The following RHD variants were observed in gnomAD, a reference collection of about 807,000 sequenced individuals.
RHD encodes the protein Rh blood group D antigen, also known as blood group Rh(D) polypeptide.
A neutral mutation model predicts 45.5 loss-of-function variants in RHD; 16 were observed. The observed-to-expected ratio is 0.35, with a 90% confidence interval of 0.24 to 0.53. The LOEUF (loss-of-function observed/expected upper bound fraction) is 0.53, where lower values mean the gene tolerates loss of function less well. RHD is among the 20% of genes least tolerant of loss of function. The probability of loss-of-function intolerance (pLI) is 0.92; values close to 1 mark genes in which losing one functional copy is unlikely to be tolerated. For missense variants in RHD, 306 were observed against 532.0 expected (o/e 0.58, Z 4.18); for synonymous variants, 131 against 217.5 (o/e 0.60, Z 3.50).
chr1:25,290,559 G>A lies in RHD; in HGVS notation c.336-82G>A, dbSNP rs1571625862. On this transcript the variant is annotated intron_variant, in intron 2 of 9. Coordinates refer to ENST00000328664, the MANE Select transcript of RHD (RefSeq NM_016124.6). The stretch of plus-strand genomic sequence containing the variant: ...GCCCAACAGTGTTTGTTGAAAGAAT[G>A]AATGAATGAATGAATGAATGAATGA... 2 of 1,060,446 alleles carry A rather than the reference G, an allele frequency of 1.9e-6. 1 individual carries two copies. The highest frequency in any genetic ancestry group is 4.6e-5 in the East Asian group (2 of 43,462). 65.7% of individuals were successfully genotyped at this position (1,060,446 alleles called of 1,614,324 possible). A position where few individuals can be genotyped will look rare whatever the true frequency, so the allele number is the denominator to read the frequency against.
At position 25,281,735 on chromosome 1, in the gene RHD, G is replaced by A. The variant is rs1003725543; in HGVS notation, c.149-2838G>A. ...CTTGTTGTCAGAAGAAGTGCAAAGA[G>A]TTGAATCCTTCCTAATGCCCACTTC... On this transcript the variant is annotated intron_variant, in intron 1 of 9. Transcript: ENST00000328664. 3.5e-4 allele frequency among the ~76,000 whole-genome samples: 46 copies of A among 131,106 alleles called. 7 individuals are homozygous for A. The highest frequency in any genetic ancestry group is 1.1e-3 in the African/African-American group (44 of 38,342). 86.0% of individuals were successfully genotyped at this position (131,106 alleles called of 152,430 possible). A position where few individuals can be genotyped will look rare whatever the true frequency, so the allele number is the denominator to read the frequency against.
rs602917 is a variant in RHD, at chr1:25,274,002, C to T, written c.148+1307C>T. Among the ~76,000 whole-genome samples the T allele has an allele frequency of 2.3e-5, 3 of 132,436 alleles. 1 individual carries two copies. The highest frequency in any genetic ancestry group is 1.9e-4 in the East Asian group (1 of 5,136). 86.9% of individuals were successfully genotyped at this position (132,436 alleles called of 152,430 possible). ...CAAGAGCTGGCACAATTTTAATTCA[C>T]TTCAATTTACTCTAATTCATTTCAA... On this transcript the variant is annotated intron_variant, in intron 1 of 9. Transcript: ENST00000328664.
At chr1:25,317,827 A>C (rs1644489138) in intron 8 of RHD, among the ~76,000 whole-genome samples, 1 of 87,000 alleles carries the variant, frequency 1.1e-5, no homozygotes, top group Non-Finnish European at 2.8e-5. Flanking sequence ...TAAGGAGACC[A>C]GTGTGGTTGG....
At position 25,314,554 on chromosome 1, in the gene RHD, C is replaced by T. The variant is rs146172086; in HGVS notation, c.1074-2446C>T. 2.3e-3 allele frequency among the ~76,000 whole-genome samples: 302 copies of T among 132,868 alleles called. 42 individuals are homozygous for T. The highest frequency in any genetic ancestry group is 7.3e-3 in the African/African-American group (285 of 39,074). The allele number at this position is 132,868 out of a possible 152,430, so 87.2% of individuals were successfully genotyped here. On this transcript the variant is annotated intron_variant, in intron 7 of 9. Transcript: ENST00000328664. ...TGTCACCCAGGCTGGAATGCAGTGGCGCTATCTCAGCCCACTACAACCTCT... is the reference window on the plus strand; with the variant it reads ...TGTCACCCAGGCTGGAATGCAGTGGTGCTATCTCAGCCCACTACAACCTCT...
rs569834727 is a variant in RHD at position 25,307,000 on chromosome 1, G to A, written c.1073+271G>A. The A allele has an allele frequency of 7.9e-5, 32 of 405,292 alleles. 5 individuals are homozygous for A. Among genetic ancestry groups the A allele is most frequent in the Non-Finnish European group, 1.5e-4 (29 of 196,876 alleles). The allele number at this position is 405,292 out of a possible 1,614,324, so 25.1% of individuals were successfully genotyped here. On this transcript the variant is annotated intron_variant, in intron 7 of 9. Coordinates refer to ENST00000328664, the MANE Select transcript of RHD (RefSeq NM_016124.6). ...TCTTTTGTGATCCCACAAACACAGA[G>A]CAGGTCAAATAGGCCCAAGCCAATT...
intron 8 of RHD, among the ~76,000 whole-genome samples, chr1:25,321,170 G>T (rs1644675836): frequency 7.7e-6 from 1 of 130,256 alleles, no homozygotes; most frequent in South Asian, 2.3e-4. Context: ...CCCAGGAGTT[G>T]ACTGGAGCCA....
intron 7 of RHD, among the ~76,000 whole-genome samples, chr1:25,316,618 GAAAAA>G (rs1171433774): frequency 2.5e-5 from 1 of 40,632 alleles, no homozygotes; most frequent in East Asian, 6.4e-4. Context: ...AACAAAAACA[GAAAAA>G]AAAAAAAAAA....
In RHD at chr1:25,313,826, A is replaced by T. The variant is rs761254731; in HGVS notation, c.1074-3174A>T. Among the ~76,000 whole-genome samples the T allele has an allele frequency of 1.5e-5, 2 of 132,984 alleles. 1 individual carries two copies. The highest frequency in any genetic ancestry group is 3.6e-5 in the Non-Finnish European group (2 of 56,096). 87.2% of individuals were successfully genotyped at this position (132,984 alleles called of 152,430 possible). On this transcript the variant is annotated intron_variant, in intron 7 of 9. Coordinates refer to ENST00000328664, the MANE Select transcript of RHD (RefSeq NM_016124.6). ...ATAATATGAGTTTCCTATGCCTGAG[A>T]AAGCTGACTTGCAAGAAAATGAGAT...
rs1276396078 is a variant in RHD at position 25,315,368 on chromosome 1, G to A, written c.1074-1632G>A. 9.2e-5 allele frequency among the ~76,000 whole-genome samples: 12 copies of A among 130,306 alleles called. 1 individual carries two copies. Among genetic ancestry groups the A allele is most frequent in the Admixed American group, 9.0e-4 (12 of 13,360 alleles). 85.5% of individuals were successfully genotyped at this position (130,306 alleles called of 152,430 possible). The stretch of plus-strand genomic sequence containing the variant: ...CAAAGATGGCAAAGATGAGGGCCTG[G>A]AGCTTGCCACACGGAAGGGGGGATG... On this transcript the variant is annotated intron_variant, in intron 7 of 9. Transcript: ENST00000328664.
Position 25,280,964 on chromosome 1 carries a change from G to A in RHD, c.149-3609G>A, listed in dbSNP as rs1477702561. On this transcript the variant is annotated intron_variant, in intron 1 of 9. Coordinates refer to ENST00000328664, the MANE Select transcript of RHD (RefSeq NM_016124.6). ...GGGCCCCAACTCTGCCCTTATCCAG[G>A]CAACTCTCCTCTCCCCATCTTCCAC... 1.7e-4 allele frequency among the ~76,000 whole-genome samples: 22 copies of A among 131,118 alleles called. 2 individuals are homozygous for A. The highest frequency in any genetic ancestry group is 5.5e-4 in the African/African-American group (21 of 38,288). The allele number at this position is 131,118 out of a possible 152,430, so 86.0% of individuals were successfully genotyped here.
chr1:25,302,641 G>A (rs1643480113), intron 5 of RHD, among the ~76,000 whole-genome samples: 1 of 129,856 alleles, frequency 7.7e-6, no homozygotes, highest in African/African-American at 2.7e-5. Context: ...CTATGACCCA[G>A]GAACAAGGCC....
At position 25,284,482 on chromosome 1, in the gene RHD, C is replaced by G; in HGVS notation, c.149-91C>G. 6.0e-6 allele frequency: 7 copies of G among 1,174,544 alleles called. 1 individual carries two copies. Among genetic ancestry groups the G allele is most frequent in the Non-Finnish European group, 8.8e-6 (7 of 799,218 alleles). 72.8% of individuals were successfully genotyped at this position (1,174,544 alleles called of 1,614,324 possible). The stretch of plus-strand genomic sequence containing the variant: ...TTGTAAACGATCTTGCATGCCCCTT[C>G]CAGCTGCCATTTAGTAAGACTCTAA... On this transcript the variant is annotated intron_variant, in intron 1 of 9. Coordinates refer to ENST00000328664, the MANE Select transcript of RHD (RefSeq NM_016124.6).
rs991344044 is a variant in RHD at position 25,273,095 on chromosome 1, T to C, written c.148+400T>C. On this transcript the variant is annotated intron_variant, in intron 1 of 9. Coordinates refer to ENST00000328664, the MANE Select transcript of RHD (RefSeq NM_016124.6). Reference sequence around the variant, plus strand: ...ATCTTATGCAAGCAATTTCATGTTGTTGGGTTTTTGGTTTTTGTTTCCTTT... The same window carrying C: ...ATCTTATGCAAGCAATTTCATGTTGCTGGGTTTTTGGTTTTTGTTTCCTTT... Among the ~76,000 whole-genome samples, 2 of 131,012 alleles carry C rather than the reference T, an allele frequency of 1.5e-5. 1 individual carries two copies. Among genetic ancestry groups the C allele is most frequent in the African/African-American group, 5.2e-5 (2 of 38,336 alleles). The allele number at this position is 131,012 out of a possible 152,430, so 85.9% of individuals were successfully genotyped here. A position where few individuals can be genotyped will look rare whatever the true frequency, so the allele number is the denominator to read the frequency against.
At position 25,287,756 on chromosome 1, in the gene RHD, C is replaced by G. The variant is rs555559771; in HGVS notation, c.336-2885C>G. ...ATTTTTTTAGAGACAGGGTCTTGCT[C>G]TGTTGCCCAGTCTGGAGTGCAGTGG... On this transcript the variant is annotated intron_variant, in intron 2 of 9. Coordinates refer to ENST00000328664, the MANE Select transcript of RHD (RefSeq NM_016124.6). Among the ~76,000 whole-genome samples, 77 of 135,352 alleles carry G rather than the reference C, an allele frequency of 5.7e-4. No individual in the cohort carries two copies. In the East Asian group the frequency reaches 0.013, roughly 23 times the overall value. The allele number at this position is 135,352 out of a possible 152,430, so 88.8% of individuals were successfully genotyped here.
chr1:25,303,850 G>C (rs1265736466), intron 6 of RHD, among the ~76,000 whole-genome samples: 2 of 127,088 alleles, frequency 1.6e-5, no homozygotes, highest in East Asian at 3.9e-4. Flanking sequence ...CCACATTGTG[G>C]GGTGTAGTCT....
At chr1:25,310,806 T>C (rs1005949225) in intron 7 of RHD, among the ~76,000 whole-genome samples, 2 of 131,802 alleles carry the variant, frequency 1.5e-5, no homozygotes, top group African/African-American at 5.2e-5. Context: ...ACGCTGTTTC[T>C]ACCAAAAATA....
chr1:25,290,551 GA>G (rs1642399718), intron 2 of RHD, 89 bp from the exon 3 acceptor site: 1 of 1,121,398 alleles, frequency 8.9e-7, no homozygotes, highest in African/African-American at 1.6e-5. Context: ...AGTGTTTGTT[GA>G]AAGAATGAAT....
chr1:25,310,421 A>T lies in RHD; in HGVS notation c.1073+3692A>T, dbSNP rs1416022414. On this transcript the variant is annotated intron_variant, in intron 7 of 9. Coordinates refer to ENST00000328664, the MANE Select transcript of RHD (RefSeq NM_016124.6). ...GTCATGATGCAGCAAGAAGGCCCTC[A>T]CCAGATGGTGGCACCATGCTTTTGG... Among the ~76,000 whole-genome samples the T allele has an allele frequency of 4.5e-5, 6 of 132,704 alleles. 2 individuals are homozygous for T. The highest frequency in any genetic ancestry group is 9.0e-5 in the Non-Finnish European group (5 of 55,800). The allele number at this position is 132,704 out of a possible 152,430, so 87.1% of individuals were successfully genotyped here. A position where few individuals can be genotyped will look rare whatever the true frequency, so the allele number is the denominator to read the frequency against.
Position 25,321,921 on chromosome 1 carries a change from C to T in RHD, c.1186C>T (p.Pro396Ser), listed in dbSNP as rs775529076. 2.2e-6 allele frequency: 3 copies of T among 1,334,248 alleles called. 1 individual carries two copies. In the South Asian group the frequency reaches 3.6e-5, roughly 16 times the overall value. 82.7% of individuals were successfully genotyped at this position (1,334,248 alleles called of 1,614,324 possible). A position where few individuals can be genotyped will look rare whatever the true frequency, so the allele number is the denominator to read the frequency against. The stretch of plus-strand genomic sequence containing the variant: ...CCTAAATCTTAAAATATGGAAAGCA[C>T]CTCATGAGGCTAAATATTTTGATGA... ...LLLNLKIWKA[P>S]HEAKYFDDQV... Residue 396 changes from proline to serine, a missense_variant, in exon 9 of 10, where the codon CCT becomes TCT. Transcript: ENST00000328664.
Sources: gnomAD v4.1 joint callset for allele counts (sites outside exome capture counted in the v4.1 genomes callset) on GRCh38, gnomAD v4.1.1 for gene constraint, MANE v1.5 for transcripts, NCBI Gene and HGNC (gene_info 2026-07-23, HGNC 2026-07-21) for gene names.